The following UBE2E3 variants were observed in gnomAD, a reference collection of about 807,000 sequenced individuals.
UBE2E3 encodes ubiquitin conjugating enzyme E2 E3, also known as ubiquitin-conjugating enzyme E2 E3.
UBE2E3 carries 5 observed loss-of-function variants against 23.6 expected under a neutral mutation model. The ratio of observed to expected loss-of-function variants is 0.21; its 90% confidence interval spans 0.11 to 0.44. UBE2E3 has a LOEUF of 0.44. UBE2E3 is among the 20% of genes least tolerant of loss of function. The probability of loss-of-function intolerance (pLI) is 0.99; values close to 1 mark genes in which losing one functional copy is unlikely to be tolerated. For missense variants in UBE2E3, 81 were observed against 249.8 expected, an observed-to-expected ratio of 0.32 and a Z score of 4.55; for synonymous variants, 78 against 87.5, an observed-to-expected ratio of 0.89 and a Z score of 0.60.
chr2:181,010,406 T>C (rs563193431), intron 3 of UBE2E3, among the ~76,000 whole-genome samples: 8 of 152,148 alleles, frequency 5.3e-5, no homozygotes, highest in Non-Finnish European at 1.2e-4. Flanking sequence ...GTAGTGGGTG[T>C]ACAAGTCGCG....
Position 181,060,890 on chromosome 2 carries a change from GT to G in UBE2E3, c.526+80del, listed in dbSNP as rs779494297. ...TTTTTTTTTTTTTTTTTTTTTTTTA[GT>G]TAGCTTTAAATGTAGATTGAGAGGT... On this transcript the variant is annotated intron_variant, in intron 5 of 5. Transcript: ENST00000410062. The G allele has an allele frequency of 4.6e-3, 4,569 of 994,260 alleles. 178 individuals carry two copies. In the African/African-American group the frequency reaches 0.078, roughly 17 times the overall value. 61.6% of individuals were successfully genotyped at this position (994,260 alleles called of 1,614,324 possible). A position where few individuals can be genotyped will look rare whatever the true frequency, so the allele number is the denominator to read the frequency against.
chr2:181,050,214 A>G (rs4667041), intron 3 of UBE2E3, among the ~76,000 whole-genome samples: 35,266 of 151,882 alleles, frequency 0.23, 4,455 homozygotes, highest in Non-Finnish European at 0.28. Context: ...AGGTGTTTCA[A>G]GCAAGAGTTA....
chr2:181,011,243 A>G (rs1466182149), intron 3 of UBE2E3, among the ~76,000 whole-genome samples: 2 of 152,058 alleles, frequency 1.3e-5, no homozygotes, highest in Non-Finnish European at 2.9e-5. Flanking sequence ...AGAAAATCCA[A>G]TATCAGGGTG....
chr2:180,997,122 T>TA (rs796715233), intron 3 of UBE2E3, among the ~76,000 whole-genome samples: 32 of 151,942 alleles, frequency 2.1e-4, no homozygotes, highest in African/African-American at 7.0e-4. Context: ...TTTTTTTTTT[T>TA]ACCCTTCTAA....
At chr2:181,039,277 T>A (rs1157914944) in intron 3 of UBE2E3, among the ~76,000 whole-genome samples, 1 of 138,624 alleles carries the variant, frequency 7.2e-6, no homozygotes, top group Non-Finnish European at 1.6e-5. Context: ...TTCAAAATGG[T>A]GAATAAATTT....
chr2:181,057,371 T>G (rs1170654603), intron 3 of UBE2E3, among the ~76,000 whole-genome samples: 1 of 151,504 alleles, frequency 6.6e-6, no homozygotes, highest in African/African-American at 2.4e-5. Context: ...TATGTCTCTA[T>G]GCATGCTTGC....
intron 3 of UBE2E3, among the ~76,000 whole-genome samples, chr2:181,041,602 T>C (rs1686507350): frequency 6.6e-6 from 1 of 151,974 alleles, no homozygotes; most frequent in Non-Finnish European, 1.5e-5. Context: ...CATGCCAGGC[T>C]AATTTTTGTA....
At position 180,989,741 on chromosome 2, in the gene UBE2E3, T is replaced by C. The variant is rs1574157729; in HGVS notation, c.245+5648T>C. 8.2e-6 allele frequency: 7 copies of C among 852,456 alleles called. No homozygotes were observed. In the East Asian group the frequency reaches 1.4e-4, roughly 17 times the overall value. 52.8% of individuals were successfully genotyped at this position (852,456 alleles called of 1,614,324 possible). A position where few individuals can be genotyped will look rare whatever the true frequency, so the allele number is the denominator to read the frequency against. ...TAATTAGAAGGTGGGTAAAACAGCATGTGCTTTTAAAAAAAGTTATATGTT... is the reference window on the plus strand; with the variant it reads ...TAATTAGAAGGTGGGTAAAACAGCACGTGCTTTTAAAAAAAGTTATATGTT... On this transcript the variant is annotated intron_variant, in intron 3 of 5. Coordinates refer to ENST00000410062, the MANE Select transcript of UBE2E3 (RefSeq NM_006357.4).
At chr2:181,061,558 A>C (rs1687152413) in intron 5 of UBE2E3, among the ~76,000 whole-genome samples, 1 of 151,600 alleles carries the variant, frequency 6.6e-6, no homozygotes, top group Non-Finnish European at 1.5e-5. Context: ...TTTTTTAATT[A>C]ATTAGTTATA....
chr2:180,992,775 C>T (rs1181967165), intron 3 of UBE2E3, among the ~76,000 whole-genome samples: 9 of 152,182 alleles, frequency 5.9e-5, no homozygotes, highest in Non-Finnish European at 8.8e-5. Flanking sequence ...AATTCTCCTG[C>T]CTCAGCCTCC....
Position 181,028,186 on chromosome 2 carries a change from A to T in UBE2E3, c.246-29507A>T, listed in dbSNP as rs919603816. Among the ~76,000 whole-genome samples, 5 of 152,146 alleles carry T rather than the reference A, an allele frequency of 3.3e-5. No homozygotes were observed. In the East Asian group the frequency reaches 9.6e-4, roughly 29 times the overall value. On this transcript the variant is annotated intron_variant, in intron 3 of 5. Coordinates refer to ENST00000410062, the MANE Select transcript of UBE2E3 (RefSeq NM_006357.4). ...CTATTAATGTAATTATTATAATGTA[A>T]TTATACTTTTTTCTCTTAAATCTTG...
At chr2:181,008,492 G>A (rs1685218475) in intron 3 of UBE2E3, among the ~76,000 whole-genome samples, 1 of 152,188 alleles carries the variant, frequency 6.6e-6, no homozygotes, top group South Asian at 2.1e-4. Context: ...GGTCATAGAT[G>A]CTTCGTATGT....
At chr2:181,041,003 A>G (rs1427098743) in intron 3 of UBE2E3, among the ~76,000 whole-genome samples, 1 of 152,102 alleles carries the variant, frequency 6.6e-6, no homozygotes, top group Non-Finnish European at 1.5e-5. Flanking sequence ...TAATCCCAGC[A>G]CTTTGGGAGA....
chr2:181,039,431 G>A (rs62181569), intron 3 of UBE2E3, among the ~76,000 whole-genome samples: 32,975 of 151,826 alleles, frequency 0.22, 4,169 homozygotes, highest in Non-Finnish European at 0.28. Flanking sequence ...CTGGGAGGGC[G>A]ACTTATAACT....
At chr2:181,047,400 A>C (rs1398345339) in intron 3 of UBE2E3, among the ~76,000 whole-genome samples, 5 of 152,074 alleles carry the variant, frequency 3.3e-5, no homozygotes, top group Non-Finnish European at 7.4e-5. Flanking sequence ...TATCTATAGG[A>C]CCAGGCCCCT....
intron 3 of UBE2E3, among the ~76,000 whole-genome samples, chr2:181,002,851 A>G (rs1685029305): frequency 6.6e-6 from 1 of 152,192 alleles, no homozygotes; most frequent in Non-Finnish European, 1.5e-5. Flanking sequence ...TATTGTGCAT[A>G]GATTTCAAGA....
At chr2:181,006,582 T>G (rs1401583760) in intron 3 of UBE2E3, among the ~76,000 whole-genome samples, 1 of 152,164 alleles carries the variant, frequency 6.6e-6, no homozygotes, top group Non-Finnish European at 1.5e-5. Flanking sequence ...TAAATATTTC[T>G]CGTTTAGCTG....
intron 3 of UBE2E3, among the ~76,000 whole-genome samples, chr2:180,987,784 C>A (rs1447620984): frequency 6.6e-6 from 1 of 152,124 alleles, no homozygotes; most frequent in Non-Finnish European, 1.5e-5. Context: ...CACTTTCCAT[C>A]ATTTTCTAGG....
intron 3 of UBE2E3, among the ~76,000 whole-genome samples, chr2:181,009,019 T>C (rs565940483): frequency 7.0e-6 from 1 of 141,854 alleles, no homozygotes; most frequent in South Asian, 2.2e-4. Context: ...ATTATAGCAG[T>C]GCTAAGGATA....
Sources: allele counts gnomAD v4.1 joint callset (sites outside exome capture counted in the v4.1 genomes callset), GRCh38; gene constraint gnomAD v4.1.1; transcripts MANE v1.5; gene names NCBI Gene and HGNC (gene_info 2026-07-23, HGNC 2026-07-21).